Variants in SV2A observed in about 807,000 individuals in gnomAD.
SV2A encodes synaptic vesicle glycoprotein 2A.
A neutral mutation model predicts 78.0 loss-of-function variants in SV2A; 25 were observed. The ratio of observed to expected loss-of-function variants is 0.32; its 90% CI spans 0.23 to 0.45. The LOEUF (loss-of-function observed/expected upper bound fraction) is 0.45, where lower values mean the gene tolerates loss of function less well. Among genes scored for constraint, SV2A ranks in the 20% least tolerant of loss-of-function variants. SV2A has a pLI of 1.00. For synonymous variants in SV2A, 355 were observed against 384.7 expected (o/e 0.92, Z 0.90); for missense variants, 752 against 971.5 (o/e 0.77, Z 3.00).
At chr1:149,909,952 C>T (rs1571502892) in intron 5 of SV2A, 62 bp from the exon 6 acceptor site, 1 of 1,480,694 alleles carries the variant, frequency 6.8e-7, no homozygotes, top group South Asian at 1.2e-5. Flanking sequence ...GAGTTATAGA[C>T]CCCCTCCCTC....
chr1:149,910,494 A>C lies in SV2A; in HGVS notation c.1089+76T>G. 1 of 1,468,910 alleles carries C rather than the reference A, an allele frequency of 6.8e-7. No individual in the cohort carries two copies. Among genetic ancestry groups the C allele is most frequent in the Non-Finnish European group, 9.0e-7 (1 of 1,112,360 alleles). The allele number at this position is 1,468,910 out of a possible 1,614,324, so 91.0% of individuals were successfully genotyped here. The stretch of plus-strand genomic sequence containing the variant: ...CAAATCAAACTCCAGTTGGTGTTTG[A>C]ACACAGAAGCCCCTGCTGCCGTCCA... On this transcript the variant is annotated intron_variant, in intron 5 of 12. Transcript: ENST00000369146. The surrounding 1 kb of genome is among the most constrained non-coding windows in gnomAD (Gnocchi z 4.2).
chr1:149,917,378 G>T (rs587640668), intron 1 of SV2A, among the ~76,000 whole-genome samples: 3 of 152,196 alleles, frequency 2.0e-5, no homozygotes, highest in Non-Finnish European at 4.4e-5. Flanking sequence ...GGGGGTGGGG[G>T]GACGTCAAGG....
At chr1:149,907,587 A>G (rs1404446429) in intron 10 of SV2A, 113 bp downstream of exon 10, 25 of 1,356,420 alleles carry the variant, frequency 1.8e-5, no homozygotes, top group South Asian at 3.8e-5. Context: ...ACCTTCCCAC[A>G]GGGGTCCAGG....
In SV2A at chr1:149,907,846, G is replaced by C; in HGVS notation, c.1545-13C>G. The C allele has an allele frequency of 6.2e-7, 1 of 1,612,632 alleles. No individual in the cohort carries two copies. Among genetic ancestry groups the C allele is most frequent in the South Asian group, 1.1e-5 (1 of 90,882 alleles). ...CAGCCCAATGAACCTGTAAGGCCAGGATGGTGAAAGACACTCCCCCGTCAT... is the reference window on the plus strand; with the variant it reads ...CAGCCCAATGAACCTGTAAGGCCAGCATGGTGAAAGACACTCCCCCGTCAT... On this transcript the variant is annotated splice_polypyrimidine_tract_variant and intron_variant, in intron 9 of 12. Transcript: ENST00000369146.
Position 149,913,596 on chromosome 1 carries a change from T to C in SV2A, c.245A>G (p.Asp82Gly), listed in dbSNP as rs1465012607. ...QDEEEGGASS[D>G]ATEGHDEDDE... ...ATCCTCGTCATGGCCCTCAGTAGCA[T>C]CACTGGATGCACCACCTTCCTCCTC... is the stretch of plus-strand genomic sequence containing the variant. The change falls in exon 2 of 13, where the codon GAT becomes GGT. Residue 82 changes from aspartate (D) to glycine (G), a missense_variant. Asp to Gly is a moderately conservative substitution (Grantham distance 94). Around this residue, in one of 7 missense-constraint regions of SV2A, gnomAD observed 291 missense variants for 359.5 expected, o/e 0.81. Coordinates refer to ENST00000369146, the MANE Select transcript of SV2A (RefSeq NM_014849.5). 1.2e-6 allele frequency: 2 copies of C among 1,613,986 alleles called. No individual in the cohort carries two copies. The highest frequency in any genetic ancestry group is 2.7e-5 in the African/African-American group (2 of 74,886).
At chr1:149,908,304 C>T in intron 8 of SV2A, 98 bp from the exon 9 acceptor site, 1 of 1,412,154 alleles carries the variant, frequency 7.1e-7, no homozygotes, top group Non-Finnish European at 9.7e-7. Flanking sequence ...TGTATCATCT[C>T]AGAACAAGGG....
chr1:149,907,256 T>C (rs1218075167), intron 10 of SV2A, among the ~76,000 whole-genome samples: 1 of 152,168 alleles, frequency 6.6e-6, no homozygotes, highest in Non-Finnish European at 1.5e-5. Flanking sequence ...CAGTATGAGG[T>C]GGGAAATTTC....
Position 149,910,533 on chromosome 1 carries a change from G to GCACGC in SV2A, c.1089+36_1089+37insGCGTG. 6.4e-7 allele frequency: 1 copy of GCACGC among 1,560,442 alleles called. No individual in the cohort carries two copies. The stretch of plus-strand genomic sequence containing the variant: ...TGCTGCCGTCCACACTCCACAGCCC[G>GCACGC]CACCCCACCCCACCCCATGCAGCTC... On this transcript the variant is annotated intron_variant, in intron 5 of 12. Transcript: ENST00000369146. The surrounding 1 kb of genome is among the most constrained non-coding windows in gnomAD (Gnocchi z 4.2).
chr1:149,909,311 A>G (rs68002561), intron 7 of SV2A, 31 bp from the exon 8 acceptor site: 156,057 of 1,609,742 alleles, frequency 0.097, 12,133 homozygotes, highest in African/African-American at 0.41. Flanking sequence ...TCAGACCTTG[A>G]CTATACTAAG....
At position 149,910,090 on chromosome 1, in the gene SV2A, C is replaced by T. The variant is rs1413058499; in HGVS notation, c.1090-200G>A. Among the ~76,000 whole-genome samples, 1 of 152,180 alleles carries T rather than the reference C, an allele frequency of 6.6e-6. No homozygotes were observed. Among genetic ancestry groups the T allele is most frequent in the African/African-American group, 2.4e-5 (1 of 41,440 alleles). On this transcript the variant is annotated intron_variant, in intron 5 of 12. Transcript: ENST00000369146. This position sits in a 1 kb window ranked among gnomAD's most constrained non-coding sequence, Gnocchi z 4.2. ...CCAAGCTGAGGTATAGCAAGACAAT[C>T]AGACTTGGGCAAGAGCTGCGGGTTG...
At chr1:149,916,980 T>G (rs1440196232) in intron 1 of SV2A, among the ~76,000 whole-genome samples, 2 of 151,808 alleles carry the variant, frequency 1.3e-5, no homozygotes, top group African/African-American at 2.4e-5. Flanking sequence ...TGCACAGACA[T>G]AGAGACCGCC....
At position 149,914,082 on chromosome 1, in the gene SV2A, C is replaced by A; in HGVS notation, c.-242G>T. 1 of 452,892 alleles carries A rather than the reference C, an allele frequency of 2.2e-6. No homozygotes were observed. Among genetic ancestry groups the A allele is most frequent in the Non-Finnish European group, 3.8e-6 (1 of 264,060 alleles). The allele number at this position is 452,892 out of a possible 1,614,324, so 28.1% of individuals were successfully genotyped here. ...TTCAGTTGGGTGGATGGGGAAGGGA[C>A]AGGGGGAGCAGGGGAATGGGAAGGG... On this transcript the variant is annotated 5_prime_UTR_variant, in exon 2 of 13. Coordinates refer to ENST00000369146, the MANE Select transcript of SV2A (RefSeq NM_014849.5).
chr1:149,913,999 C>T lies in SV2A; in HGVS notation c.-159G>A, dbSNP rs1477616682. 7.0e-6 allele frequency: 8 copies of T among 1,137,196 alleles called. No homozygotes were observed. Among genetic ancestry groups the T allele is most frequent in the Non-Finnish European group, 7.3e-6 (6 of 825,252 alleles). The allele number at this position is 1,137,196 out of a possible 1,614,324, so 70.4% of individuals were successfully genotyped here. ...GCACAAAAAAAAGAGCAAACAGGTC[C>T]TAGCCAATGAGTGCCTAGGAAGGAA... On this transcript the variant is annotated 5_prime_UTR_variant, in exon 2 of 13. Transcript: ENST00000369146.
rs782416216 is a variant in SV2A at position 149,906,668 on chromosome 1, C to T, written c.1867G>A (p.Gly623Ser). The T allele has an allele frequency of 5.0e-6, 8 of 1,614,156 alleles. No homozygotes were observed. The highest frequency in any genetic ancestry group is 1.1e-5 in the South Asian group (1 of 91,076). The change falls in exon 11 of 13, where the codon GGC (glycine) becomes AGC (serine). Residue 623 changes from glycine to serine, a missense_variant. Physicochemically the swap from Gly to Ser is moderately conservative, Grantham distance 56. Coordinates refer to ENST00000369146, the MANE Select transcript of SV2A (RefSeq NM_014849.5). ...IVSALLMDKI[G>S]RLRMLAGSSV... ...CCCTTACCAAGCATTCTGAGCCTGC[C>T]GATCTTGTCCATGAGCAGGGCAGAC...
rs2092491484 is a variant in SV2A, at chr1:149,913,639, C to T, written c.202G>A (p.Gly68Arg). ...TCCTCCTCATCCTGGGTCCCTTCTC[C>T]TCGGTAATAACCATCACTGGGAGCA... The part of the protein sequence containing the change: ...FPAPSDGYYR[G>R]EGTQDEEEGG... The change falls in exon 2 of 13, where the codon GGA becomes AGA. Residue 68 changes from glycine to arginine, a missense_variant. Around this residue, in one of 7 missense-constraint regions of SV2A, gnomAD observed 291 missense variants for 359.5 expected, o/e 0.81. Transcript: ENST00000369146. 1 of 1,613,394 alleles carries T rather than the reference C, an allele frequency of 6.2e-7. No individual in the cohort carries two copies. The highest frequency in any genetic ancestry group is 2.2e-5 in the East Asian group (1 of 44,880).
At position 149,913,658 on chromosome 1, in the gene SV2A, G is replaced by A; in HGVS notation, c.183C>T (p.Pro61=). The change falls in exon 2 of 13, where the codon CCC becomes CCT. Residue 61 remains proline, a synonymous_variant. Transcript: ENST00000369146. ...EEDDDDDFPA[P]SDGYYRGEGT... ...CTTCTCCTCGGTAATAACCATCACT[G>A]GGAGCAGGGAAGTCATCATCATCAT... The A allele has an allele frequency of 6.2e-7, 1 of 1,614,154 alleles. No individual in the cohort carries two copies. Among genetic ancestry groups the A allele is most frequent in the Non-Finnish European group, 8.5e-7 (1 of 1,180,018 alleles).
rs144462494 is a variant in SV2A at position 149,908,068 on chromosome 1, G to A, written c.1518C>T (p.His506=). 718 of 1,614,008 alleles carry A rather than the reference G, an allele frequency of 4.4e-4. No homozygotes were observed. The highest frequency in any genetic ancestry group is 5.9e-4 in the Non-Finnish European group (693 of 1,180,008). The change falls in exon 9 of 13, where the codon CAC becomes CAT. Residue 506 remains histidine (H), a synonymous_variant. Transcript: ENST00000369146. ...TFNFTLENQI[H]RGGQYFNDKF... ...TGTCATTGAAGTACTGCCCGCCTCG[G>A]TGGATCTGATTCTCCAACGTGAAGT...
Position 149,910,411 on chromosome 1 carries a change from C to A in SV2A, c.1089+159G>T, listed in dbSNP as rs1553763516. ...GGGACACATTCCAAGGCAAAGAATG[C>A]AAGATAAAGTCCCCTGGAGAGTGGA... On this transcript the variant is annotated intron_variant, in intron 5 of 12. Transcript: ENST00000369146. The surrounding 1 kb of genome is among the most constrained non-coding windows in gnomAD (Gnocchi z 4.2). Among the ~76,000 whole-genome samples the A allele has an allele frequency of 6.6e-6, 1 of 152,142 alleles. No individual in the cohort carries two copies. Among genetic ancestry groups the A allele is most frequent in the Non-Finnish European group, 1.5e-5 (1 of 68,028 alleles).
intron 10 of SV2A, 103 bp downstream of exon 10, chr1:149,907,597 G>T: frequency 7.0e-7 from 1 of 1,428,560 alleles, no homozygotes; most frequent in Non-Finnish European, 9.3e-7. Flanking sequence ...AGGGGTCCAG[G>T]GATCTCAGCT....
Sources: gnomAD v4.1 joint callset for allele counts (sites outside exome capture counted in the v4.1 genomes callset) on GRCh38, gnomAD v4.1.1 for gene constraint, gnomAD v4.1.1 regional missense constraint, Gnocchi (gnomAD v3.1) non-coding constraint, MANE v1.5 for transcripts, NCBI Gene and HGNC (gene_info 2026-07-23, HGNC 2026-07-21) for gene names.